The following NPAS3 variants were observed in gnomAD, a reference collection of about 807,000 sequenced individuals.
NPAS3 encodes the protein neuronal PAS domain protein 3.
In NPAS3, 14 loss-of-function variants were observed where a neutral mutation model predicts 73.1. That is an observed-to-expected ratio of 0.19 (90% CI 0.13 to 0.30). The LOEUF is 0.30. Among genes scored for constraint, NPAS3 ranks in the 10% least tolerant of loss-of-function variants. The pLI, the probability that NPAS3 is intolerant of heterozygous loss-of-function variation, is 1.00. For synonymous variants in NPAS3, 620 were observed against 541.5 expected, an observed-to-expected ratio of 1.14 and a Z score of -2.01; for missense variants, 1,096 against 1,250.0, an observed-to-expected ratio of 0.88 and a Z score of 1.86.
intron 2 of NPAS3, among the ~76,000 whole-genome samples, chr14:33,113,374 G>A (rs2042958984): frequency 6.6e-6 from 1 of 152,094 alleles, no homozygotes; most frequent in African/African-American, 2.4e-5. Flanking sequence ...TCCTTGAAGA[G>A]GTCCTTCACG....
At chr14:33,535,870 C>G (rs1169909836) in intron 4 of NPAS3, among the ~76,000 whole-genome samples, 2 of 152,120 alleles carry the variant, frequency 1.3e-5, no homozygotes, top group African/African-American at 4.8e-5. Context: ...ATTTTTCTAT[C>G]AGCATTGATG....
chr14:32,938,516 A>G (rs1229346744), upstream of NPAS3, among the ~76,000 whole-genome samples: 4 of 121,618 alleles, frequency 3.3e-5, no homozygotes, highest in Non-Finnish European at 7.1e-5. Context: ...AGAGAGAGAG[A>G]GAGAGAGAAG....
rs61601090 is a variant in NPAS3, at chr14:33,246,497, G to A, written c.385+31071G>A. On this transcript the variant is annotated intron_variant, in intron 3 of 11. Transcript: ENST00000356141. ...GGAGCCTGCAGTGAGCCGAGATCGC[G>A]CCACTGCACTCCAGCCTGGGCAACA... Among the ~76,000 whole-genome samples, 1,026 of 138,688 alleles carry A rather than the reference G, an allele frequency of 7.4e-3. 6 individuals are homozygous for A. Among genetic ancestry groups the A allele is most frequent in the African/African-American group, 0.026 (979 of 36,970 alleles). 91.0% of individuals were successfully genotyped at this position (138,688 alleles called of 152,430 possible). A position where few individuals can be genotyped will look rare whatever the true frequency, so the allele number is the denominator to read the frequency against.
At chr14:33,452,855 T>C (rs919903606) in intron 4 of NPAS3, among the ~76,000 whole-genome samples, 4 of 150,938 alleles carry the variant, frequency 2.7e-5, no homozygotes, top group African/African-American at 7.3e-5. Context: ...GCAAGTAGCA[T>C]TGATCATTAA....
chr14:33,217,209 G>A (rs1364587565), intron 3 of NPAS3, among the ~76,000 whole-genome samples: 3 of 151,998 alleles, frequency 2.0e-5, no homozygotes, highest in South Asian at 2.1e-4. Context: ...TAAGGGAAAC[G>A]GCCCCCATGA....
chr14:33,464,688 TC>T (rs2050428305), intron 4 of NPAS3, among the ~76,000 whole-genome samples: 1 of 152,216 alleles, frequency 6.6e-6, no homozygotes, highest in African/African-American at 2.4e-5. Flanking sequence ...GAGCATGCTG[TC>T]CTTTTTCATC....
rs146845710 is a variant in NPAS3 at position 33,676,603 on chromosome 14, T to C, written c.733+218T>C. On this transcript the variant is annotated intron_variant, in intron 6 of 11. Transcript: ENST00000356141. ...CAGAGATCTAATTTCAGTTGAACAA[T>C]ACATGTAGAAGGTACTAGTTCTTTT... Among the ~76,000 whole-genome samples, 16 of 152,314 alleles carry C rather than the reference T, an allele frequency of 1.1e-4. No homozygotes were observed. In the East Asian group the frequency reaches 2.9e-3, roughly 28 times the overall value.
At chr14:33,602,917 C>T (rs2057444830) in intron 5 of NPAS3, among the ~76,000 whole-genome samples, 1 of 152,112 alleles carries the variant, frequency 6.6e-6, no homozygotes, top group South Asian at 2.1e-4. Flanking sequence ...CTGCATCCCA[C>T]AACAAATCTC....
chr14:33,736,512 G>T (rs1415403403), intron 7 of NPAS3, among the ~76,000 whole-genome samples: 2 of 152,188 alleles, frequency 1.3e-5, no homozygotes, highest in African/African-American at 4.8e-5. Context: ...TTACAAAGGA[G>T]TGTGTTCAGG....
intron 5 of NPAS3, among the ~76,000 whole-genome samples, chr14:33,636,827 G>A (rs537784527): frequency 6.6e-6 from 1 of 151,972 alleles, no homozygotes; most frequent in African/African-American, 2.4e-5. Flanking sequence ...TGAAAATCTT[G>A]TTGTCAGGAA....
intron 2 of NPAS3, among the ~76,000 whole-genome samples, chr14:33,096,684 C>G (rs2042428981): frequency 6.6e-6 from 1 of 152,166 alleles, no homozygotes; most frequent in African/African-American, 2.4e-5. Context: ...GAGCTTATAT[C>G]CGTAGTCTGG....
intron 2 of NPAS3, among the ~76,000 whole-genome samples, chr14:33,180,798 C>CTA (rs1566646824): frequency 6.3e-5 from 2 of 31,552 alleles, no homozygotes; most frequent in Non-Finnish European, 5.9e-5. Context: ...GACACTGTCT[C>CTA]CAAGAAAAAA....
rs1485792038 is a variant in NPAS3 at position 33,762,781 on chromosome 14, A to C, written c.853-11556A>C. Among the ~76,000 whole-genome samples, 3 of 152,296 alleles carry C rather than the reference A, an allele frequency of 2.0e-5. No individual in the cohort carries two copies. The East Asian group carries it at 5.8e-4, about 29-fold the overall frequency. Reference sequence around the variant, plus strand: ...TCTCTAATCATGGCTGAATAAACCAAATGCAGCAAATGAGTTGGTGACACG... The same window carrying C: ...TCTCTAATCATGGCTGAATAAACCACATGCAGCAAATGAGTTGGTGACACG... On this transcript the variant is annotated intron_variant, in intron 7 of 11. Coordinates refer to ENST00000356141, the Ensembl canonical transcript of NPAS3.
At chr14:33,532,785 TA>T (rs992001911) in intron 4 of NPAS3, among the ~76,000 whole-genome samples, 15 of 152,108 alleles carry the variant, frequency 9.9e-5, no homozygotes, top group Non-Finnish European at 2.1e-4. Context: ...GACCGCTTCC[TA>T]AAAACAGTAG....
rs2062128120 is a variant in NPAS3, at chr14:33,756,767, CAG to C, written c.853-17566_853-17565del. On this transcript the variant is annotated intron_variant, in intron 7 of 11. Transcript: ENST00000356141. ...CTGTAGTCTGGTCCTACGAGGTACACAGAGAAATAAAGGATGCATTCTGTGCC... is the reference window on the plus strand; with the variant it reads ...CTGTAGTCTGGTCCTACGAGGTACACAGAAATAAAGGATGCATTCTGTGCC... 3.3e-5 allele frequency among the ~76,000 whole-genome samples: 5 copies of C among 152,288 alleles called. No homozygotes were observed. In the South Asian group the frequency reaches 1.0e-3, roughly 32 times the overall value.
At chr14:33,017,686 G>A (rs557425862) in intron 1 of NPAS3, among the ~76,000 whole-genome samples, 3 of 152,262 alleles carry the variant, frequency 2.0e-5, no homozygotes, top group South Asian at 2.1e-4. Context: ...CTGAGTGACC[G>A]TGAGCAAATT....
intron 3 of NPAS3, among the ~76,000 whole-genome samples, chr14:33,274,973 C>T (rs1875286): frequency 0.44 from 66,332 of 152,056 alleles, 15,602 homozygotes; most frequent in Non-Finnish European, 0.54. Flanking sequence ...AGTGGCAGTG[C>T]CTATGCAAGT....
At chr14:33,044,657 T>TG (rs201956862) in intron 1 of NPAS3, among the ~76,000 whole-genome samples, 4 of 151,486 alleles carry the variant, frequency 2.6e-5, no homozygotes, top group Non-Finnish European at 5.9e-5. Context: ...TTAGTTTGTT[T>TG]TTTTTTTTTT....
At chr14:33,155,872 T>C (rs56252356) in intron 2 of NPAS3, among the ~76,000 whole-genome samples, 38,349 of 152,080 alleles carry the variant, frequency 0.25, 5,113 homozygotes, top group African/African-American at 0.34. Flanking sequence ...CATTTTTAAA[T>C]ATTACCATAT....
Sources: allele counts gnomAD v4.1 joint callset (sites outside exome capture counted in the v4.1 genomes callset), GRCh38; gene constraint gnomAD v4.1.1; transcripts MANE v1.5; gene names NCBI Gene and HGNC (gene_info 2026-07-23, HGNC 2026-07-21).